RARB: variants seen among roughly 807,000 people sequenced by gnomAD.
RARB encodes the protein HBV-activated protein.
In RARB, 17 loss-of-function variants were observed where a neutral mutation model predicts 51.9. That is an observed-to-expected ratio of 0.33 (90% CI 0.22 to 0.49). RARB has a LOEUF of 0.49. Ranked by LOEUF, RARB falls within the 20% of genes least tolerant of loss-of-function variation. The probability of loss-of-function intolerance (pLI) is 0.99; values close to 1 mark genes in which losing one functional copy is unlikely to be tolerated. For missense variants in RARB, 369 were observed against 550.8 expected, an observed-to-expected ratio of 0.67 and a Z score of 3.30; for synonymous variants, 215 against 195.4, an observed-to-expected ratio of 1.10 and a Z score of -0.84.
intron 5 of RARB, among the ~76,000 whole-genome samples, chr3:25,379,694 A>T (rs1225934888): frequency 6.6e-6 from 1 of 152,256 alleles, no homozygotes. Context: ...GGGAGATTAC[A>T]GTCAAATAGA....
intron 3 of RARB, among the ~76,000 whole-genome samples, chr3:25,507,373 G>A (rs1317607322): frequency 1.3e-5 from 2 of 152,304 alleles, no homozygotes; most frequent in Admixed American, 6.5e-5. Context: ...GCAGTCATTC[G>A]TTTATCTGCT....
chr3:25,067,931 G>A (rs1698694760), intron 3 of RARB, among the ~76,000 whole-genome samples: 1 of 151,816 alleles, frequency 6.6e-6, no homozygotes, highest in African/African-American at 2.4e-5. Context: ...GAGGTCAGGA[G>A]TTTGAGACCA....
chr3:25,053,083 TAAGGA>T (rs1698369238), intron 2 of RARB, among the ~76,000 whole-genome samples: 1 of 152,056 alleles, frequency 6.6e-6, no homozygotes, highest in Non-Finnish European at 1.5e-5. Flanking sequence ...AAAGTATCCT[TAAGGA>T]AAGGGGAAAA....
chr3:25,421,619 T>A (rs1707867996), intron 5 of RARB, among the ~76,000 whole-genome samples: 1 of 151,988 alleles, frequency 6.6e-6, no homozygotes, highest in Admixed American at 6.6e-5. Flanking sequence ...TTCACTGTGA[T>A]GGTCTCAATC....
chr3:25,482,114 T>A (rs931243037), intron 2 of RARB, among the ~76,000 whole-genome samples: 1 of 152,194 alleles, frequency 6.6e-6, no homozygotes, highest in Non-Finnish European at 1.5e-5. Flanking sequence ...GCTCCCTTTT[T>A]TTTCCTACAG....
chr3:24,854,974 C>T (rs1002424114), intron 1 of RARB, among the ~76,000 whole-genome samples: 6 of 152,126 alleles, frequency 3.9e-5, no homozygotes, highest in African/African-American at 1.4e-4. Flanking sequence ...TCTGATGCTG[C>T]TAAGGTTTGA....
intron 5 of RARB, among the ~76,000 whole-genome samples, chr3:25,305,507 A>G (rs1193314624): frequency 1.3e-5 from 2 of 152,198 alleles, no homozygotes; most frequent in East Asian, 1.9e-4. Flanking sequence ...GAGCTGTACC[A>G]CAAGCAACAG....
chr3:24,900,752 G>A (rs1408879752), intron 2 of RARB, among the ~76,000 whole-genome samples: 1 of 152,174 alleles, frequency 6.6e-6, no homozygotes, highest in Admixed American at 6.5e-5. Context: ...ATGTTGCTAA[G>A]CATGTCTAAT....
At chr3:24,925,579 G>A (rs1362664743) in intron 2 of RARB, among the ~76,000 whole-genome samples, 1 of 150,428 alleles carries the variant, frequency 6.6e-6, no homozygotes, top group East Asian at 2.0e-4. Context: ...GAGATCGAGG[G>A]AGGCTGTAGT....
chr3:24,996,924 T>C (rs1452661351), intron 2 of RARB, among the ~76,000 whole-genome samples: 1 of 152,186 alleles, frequency 6.6e-6, no homozygotes. Flanking sequence ...AAAGAATGTA[T>C]ATTCTGTAGC....
At chr3:25,174,399 T>G (rs970187051) in exon 5 of RARB, 1 of 1,352,124 alleles carries the variant, frequency 7.4e-7, no homozygotes, top group Non-Finnish European at 9.8e-7. Flanking sequence ...GCCCGAAACA[T>G]GACCACCAGC....
At chr3:24,895,721 C>T (rs570145394) in intron 2 of RARB, among the ~76,000 whole-genome samples, 6 of 151,564 alleles carry the variant, frequency 4.0e-5, no homozygotes, top group Admixed American at 1.3e-4. Flanking sequence ...AGAAAAATAA[C>T]GAGTATTGAT....
At chr3:25,336,408 A>C (rs1268752807) in intron 5 of RARB, among the ~76,000 whole-genome samples, 1 of 152,182 alleles carries the variant, frequency 6.6e-6, no homozygotes, top group East Asian at 1.9e-4. Flanking sequence ...TTAGAGTTCA[A>C]GGCACTTGTT....
At chr3:25,339,358 C>A (rs1705154573) in intron 5 of RARB, among the ~76,000 whole-genome samples, 1 of 152,142 alleles carries the variant, frequency 6.6e-6, no homozygotes, top group African/African-American at 2.4e-5. Context: ...ATGTAGCCAG[C>A]TGTTTGAACC....
intron 2 of RARB, among the ~76,000 whole-genome samples, chr3:25,031,457 C>T (rs1415470778): frequency 2.0e-5 from 3 of 152,130 alleles, no homozygotes; most frequent in East Asian, 1.9e-4. Flanking sequence ...ATTATGAGGC[C>T]TCCCCCTTAG....
At chr3:25,318,820 G>A (rs1450442297) in intron 5 of RARB, among the ~76,000 whole-genome samples, 1 of 152,014 alleles carries the variant, frequency 6.6e-6, no homozygotes, top group Non-Finnish European at 1.5e-5. Flanking sequence ...AAGACAGAAG[G>A]GAATTTCAAA....
chr3:24,898,449 CTT>C (rs1327134683), intron 2 of RARB, among the ~76,000 whole-genome samples: 2 of 151,610 alleles, frequency 1.3e-5, no homozygotes, highest in Non-Finnish European at 2.9e-5. Context: ...TAGACAATAA[CTT>C]TAATATTTGT....
chr3:24,893,374 T>C (rs1051275124), intron 2 of RARB, among the ~76,000 whole-genome samples: 1 of 152,264 alleles, frequency 6.6e-6, no homozygotes, highest in Admixed American at 6.5e-5. Context: ...AATATTCATT[T>C]AAATGCTTGA....
At chr3:24,899,212 A>G (rs1356994116) in intron 2 of RARB, among the ~76,000 whole-genome samples, 2 of 152,210 alleles carry the variant, frequency 1.3e-5, no homozygotes, top group Non-Finnish European at 1.5e-5. Flanking sequence ...TAAACCAAGC[A>G]TGGAGCCCTT....
Sources: allele counts gnomAD v4.1 joint callset (sites outside exome capture counted in the v4.1 genomes callset), GRCh38; gene constraint gnomAD v4.1.1; transcripts MANE v1.5; gene names NCBI Gene and HGNC (gene_info 2026-07-23, HGNC 2026-07-21).